SUPT6H: variants seen among roughly 807,000 people sequenced by gnomAD.
The protein encoded by SUPT6H is transcription elongation factor SPT6.
Under a neutral mutation model 222.3 loss-of-function variants are expected in SUPT6H, and 11 were observed. The observed-to-expected ratio is 0.05, with a 90% CI of 0.03 to 0.08. SUPT6H has a LOEUF of 0.08. Among genes scored for constraint, SUPT6H ranks in the 10% least tolerant of loss-of-function variants. The pLI is 1.00. For synonymous variants in SUPT6H, 762 were observed against 801.2 expected, an observed-to-expected ratio of 0.95 and a Z score of 0.83; for missense variants, 1,422 against 2,216.0, an observed-to-expected ratio of 0.64 and a Z score of 7.19.
intron 15 of SUPT6H, 45 bp from the exon 16 acceptor site, chr17:28,683,223 G>A (rs1396427069): frequency 6.2e-7 from 1 of 1,604,988 alleles, no homozygotes; most frequent in Non-Finnish European, 8.5e-7. Context: ...CTGGGGCCTG[G>A]CCCAGCCCAT....
chr17:28,690,542 G>A (rs1446683674), intron 26 of SUPT6H, among the ~76,000 whole-genome samples: 3 of 152,166 alleles, frequency 2.0e-5, no homozygotes, highest in African/African-American at 7.2e-5. Flanking sequence ...TGGGAGGCCA[G>A]GGCAGGCAGA....
Position 28,677,925 on chromosome 17 carries a change from CTG to C in SUPT6H, c.999+115_999+116del, listed in dbSNP as rs1158120744. The stretch of plus-strand genomic sequence containing the variant: ...CATCCGTGTGCCTGGTATTAGAAAA[CTG>C]TGTGTATGTAGTCCCAACAAGTGTG... On this transcript the variant is annotated intron_variant, in intron 8 of 36. Coordinates refer to ENST00000314616, the MANE Select transcript of SUPT6H (RefSeq NM_003170.5). The C allele has an allele frequency of 4.6e-6, 6 of 1,306,386 alleles. No individual in the cohort carries two copies. In the East Asian group the frequency reaches 6.9e-5, roughly 15 times the overall value. The allele number at this position is 1,306,386 out of a possible 1,614,324, so 80.9% of individuals were successfully genotyped here.
At chr17:28,692,762 G>A (rs2031725533) in intron 27 of SUPT6H, among the ~76,000 whole-genome samples, 1 of 147,996 alleles carries the variant, frequency 6.8e-6, no homozygotes, top group Non-Finnish European at 1.5e-5. Context: ...AGCACTTTGG[G>A]AGGCCAAGGT....
chr17:28,687,531 T>C (rs1458193694), intron 23 of SUPT6H, 60 bp downstream of exon 23: 1 of 1,547,916 alleles, frequency 6.5e-7, no homozygotes, highest in African/African-American at 1.4e-5. Flanking sequence ...TATGAATATA[T>C]ACTTTGTCAG....
rs112347749 is a variant in SUPT6H at position 28,696,008 on chromosome 17, T to A, written c.3970+461T>A. 1.3e-4 allele frequency among the ~76,000 whole-genome samples: 20 copies of A among 151,658 alleles called. No individual in the cohort carries two copies. In the East Asian group the frequency reaches 2.1e-3, roughly 16 times the overall value. Reference sequence around the variant, plus strand: ...TAAGACACCATCTCTACAAAAAAAATTTTTTAAATAGCCAGGAGCCAGGTG... The same window carrying A: ...TAAGACACCATCTCTACAAAAAAAAATTTTTAAATAGCCAGGAGCCAGGTG... On this transcript the variant is annotated intron_variant, in intron 29 of 36. Coordinates refer to ENST00000314616, the MANE Select transcript of SUPT6H (RefSeq NM_003170.5).
At position 28,669,043 on chromosome 17, in the gene SUPT6H, T is replaced by C. The variant is rs77263366; in HGVS notation, c.-31-4328T>C. Among the ~76,000 whole-genome samples, 1,249 of 152,328 alleles carry C rather than the reference T, an allele frequency of 8.2e-3. 6 individuals are homozygous for C. The highest frequency in any genetic ancestry group is 0.013 in the Admixed American group (193 of 15,298). The stretch of plus-strand genomic sequence containing the variant: ...GACCCCTTTATACTCTTAAAACTTA[T>C]TTAGGACTTCAAAGACATTTTGTTT... On this transcript the variant is annotated intron_variant, in intron 1 of 36. Transcript: ENST00000314616.
chr17:28,697,771 T>G (rs1375271193), intron 31 of SUPT6H, 38 bp downstream of exon 31: 1 of 1,611,686 alleles, frequency 6.2e-7, no homozygotes, highest in South Asian at 1.1e-5. Context: ...CACTTGCCAA[T>G]CACTTAAGGA....
At chr17:28,663,870 G>A (rs1319239962) in intron 1 of SUPT6H, among the ~76,000 whole-genome samples, 1 of 59,118 alleles carries the variant, frequency 1.7e-5, no homozygotes, top group African/African-American at 7.2e-5. Flanking sequence ...TTGCTCTGTT[G>A]CCCAGGTTGG....
In SUPT6H at chr17:28,684,572, G is replaced by C. The variant is rs558576509; in HGVS notation, c.2230-14G>C. On this transcript the variant is annotated splice_polypyrimidine_tract_variant and intron_variant, in intron 17 of 36. Transcript: ENST00000314616. ...TCATCATGTATGTAATACCTGTTGT[G>C]TCTCTTCCCTCAGGCCTGTAGTCGA... 1.9e-6 allele frequency: 3 copies of C among 1,614,052 alleles called. No individual in the cohort carries two copies. In the African/African-American group the frequency reaches 4.0e-5, roughly 22 times the overall value.
chr17:28,693,976 T>C, intron 28 of SUPT6H, 140 bp downstream of exon 28: 1 of 1,153,902 alleles, frequency 8.7e-7, no homozygotes, highest in Non-Finnish European at 1.2e-6. Context: ...GGAAGATTTA[T>C]AACTAGTTGA....
chr17:28,666,547 A>G (rs1434233014), intron 1 of SUPT6H, among the ~76,000 whole-genome samples: 1 of 151,204 alleles, frequency 6.6e-6, no homozygotes, highest in African/African-American at 2.4e-5. Context: ...AAGAAAAGGA[A>G]TACTTTTTTT....
In SUPT6H at chr17:28,701,140, G is replaced by A. The variant is rs112972699; in HGVS notation, c.4994+12G>A. On this transcript the variant is annotated intron_variant, in intron 36 of 36. Coordinates refer to ENST00000314616, the MANE Select transcript of SUPT6H (RefSeq NM_003170.5). ...CAGCAGCAGCCAAAGTAAGTATCTGGATGGTGGCACAGTGCAGGTCAGTGG... is the reference window on the plus strand; with the variant it reads ...CAGCAGCAGCCAAAGTAAGTATCTGAATGGTGGCACAGTGCAGGTCAGTGG... 6.3e-5 allele frequency: 101 copies of A among 1,601,690 alleles called. No individual in the cohort carries two copies. The Middle Eastern group carries it at 2.2e-3, about 34-fold the overall frequency.
At chr17:28,689,735 G>T (rs2031553085) in intron 25 of SUPT6H, among the ~76,000 whole-genome samples, 174 bp downstream of exon 25, 1 of 152,166 alleles carries the variant, frequency 6.6e-6, no homozygotes, top group Admixed American at 6.5e-5. Context: ...TGGTCTGCTT[G>T]TTAAGGAGCC....
intron 21 of SUPT6H, 105 bp downstream of exon 21, chr17:28,686,894 G>A: frequency 3.4e-6 from 5 of 1,492,356 alleles, no homozygotes; most frequent in Non-Finnish European, 3.6e-6. Context: ...GACTGTACCT[G>A]TGTACTTATC....
chr17:28,690,301 G>T, intron 26 of SUPT6H, 72 bp downstream of exon 26: 1 of 1,562,446 alleles, frequency 6.4e-7, no homozygotes, highest in Non-Finnish European at 8.7e-7. Flanking sequence ...CCAAGCAGCA[G>T]TTCCAACAGA....
chr17:28,666,368 G>T (rs1342168303), intron 1 of SUPT6H, among the ~76,000 whole-genome samples: 1 of 152,128 alleles, frequency 6.6e-6, no homozygotes, highest in Non-Finnish European at 1.5e-5. Context: ...GAAAAGGAAA[G>T]GTTTGCCAAC....
Position 28,681,879 on chromosome 17 carries a change from C to G in SUPT6H, c.1499-3C>G. 6.2e-7 allele frequency: 1 copy of G among 1,605,996 alleles called. No individual in the cohort carries two copies. Among genetic ancestry groups the G allele is most frequent in the Non-Finnish European group, 8.5e-7 (1 of 1,177,336 alleles). ...CCTAAATCTCCCCATGTTTTCTTCC[C>G]AGGTGAAGGTGACGAGGCAGAAGAT... is the stretch of plus-strand genomic sequence containing the variant. On this transcript the variant is annotated splice_region_variant and splice_polypyrimidine_tract_variant and intron_variant, in intron 12 of 36. Transcript: ENST00000314616.
At position 28,700,399 on chromosome 17, in the gene SUPT6H, A is replaced by G. The variant is rs866053461; in HGVS notation, c.4693A>G (p.Ser1565Gly). The change falls in exon 35 of 37, where the codon AGT becomes GGT. Residue 1565 changes from serine (S) to glycine (G), a missense_variant. This residue lies in a region of SUPT6H where 395 missense variants were observed against 580.6 expected (regional missense o/e 0.68). Transcript: ENST00000314616. The part of the protein sequence containing the change: ...LPQNMTSQMF[S>G]AIAAVTGQGQ... The stretch of plus-strand genomic sequence containing the variant: ...TCAGAACATGACTTCACAGATGTTC[A>G]GTGCCATTGCTGCGGTGACAGGCCA... 1.9e-6 allele frequency: 3 copies of G among 1,614,252 alleles called. No individual in the cohort carries two copies. In the Middle Eastern group the frequency reaches 4.9e-4, roughly 266 times the overall value.
chr17:28,687,982 G>A, intron 23 of SUPT6H, 109 bp from the exon 24 acceptor site: 1 of 1,183,332 alleles, frequency 8.5e-7, no homozygotes, highest in Non-Finnish European at 1.1e-6. Flanking sequence ...TGCTCAACTA[G>A]ATACTGGGTG....
Sources: gnomAD v4.1 joint callset for allele counts (sites outside exome capture counted in the v4.1 genomes callset) on GRCh38, gnomAD v4.1.1 for gene constraint, gnomAD v4.1.1 regional missense constraint, MANE v1.5 for transcripts, NCBI Gene and HGNC (gene_info 2026-07-23, HGNC 2026-07-21) for gene names.